Variants in DSPP observed in about 807,000 individuals in gnomAD.
The protein encoded by DSPP is dentin sialophosphoprotein, also known as deafness, autosomal dominant 39.
Under a neutral mutation model 29.1 loss-of-function variants are expected in DSPP, and 28 were observed. The ratio of observed to expected loss-of-function variants is 0.96; its 90% CI spans 0.71 to 1.32. The LOEUF is 1.32. Ranked by LOEUF, DSPP falls within the 40% of genes most tolerant of loss-of-function variation. The pLI is 0.00. For missense variants in DSPP, 1,281 were observed against 1,629.9 expected (o/e 0.79, Z 3.69); for synonymous variants, 481 against 503.4 (o/e 0.96, Z 0.60).
At chr4:87,613,341 A>C in intron 4 of DSPP, 33 bp downstream of exon 4, 1 of 1,610,000 alleles carries the variant, frequency 6.2e-7, no homozygotes, top group Non-Finnish European at 8.5e-7. Context: ...TTTCAATGGC[A>C]GTTTAAATTC....
At chr4:87,609,465 A>T (rs1727695469) in intron 1 of DSPP, among the ~76,000 whole-genome samples, 1 of 152,290 alleles carries the variant, frequency 6.6e-6, no homozygotes, top group South Asian at 2.1e-4. Context: ...GGCCTTCAAC[A>T]TCTGTGCCCC....
At chr4:87,610,530 A>G (rs1727714311) in intron 1 of DSPP, among the ~76,000 whole-genome samples, 1 of 152,208 alleles carries the variant, frequency 6.6e-6, no homozygotes, top group Non-Finnish European at 1.5e-5. Context: ...TTTGAAGCAC[A>G]ATTTCAGCAG....
intron 4 of DSPP, 83 bp downstream of exon 4, chr4:87,613,391 T>G (rs767471361): frequency 2.9e-5 from 43 of 1,494,830 alleles, no homozygotes; most frequent in Non-Finnish European, 3.5e-5. Flanking sequence ...AAATAAACCA[T>G]GACAAGCATC....
rs1307734979 is a variant in DSPP at position 87,613,233 on chromosome 4, T to C, written c.1047T>C (p.His349=). ...TAGAGGACACCCAGAAGCTCAACCA[T>C]AGAGAAAGCAAACGCGTAGAAAATA... is the stretch of plus-strand genomic sequence containing the variant. The part of the protein sequence containing the change: ...QRIEDTQKLN[H]RESKRVENRI... Residue 349 remains histidine (H), a synonymous_variant, in exon 4 of 5, where the codon CAT becomes CAC. Coordinates refer to ENST00000651931, the MANE Select transcript of DSPP (RefSeq NM_014208.3). 3.5e-5 allele frequency: 57 copies of C among 1,613,590 alleles called. No individual in the cohort carries two copies. Among genetic ancestry groups the C allele is most frequent in the Non-Finnish European group, 4.5e-5 (53 of 1,179,994 alleles).
In DSPP at chr4:87,615,747, A is replaced by AATAGCAGTG; in HGVS notation, c.3086_3087insTAGCAGTGA (p.Asp1053_Ser1055dup). On this transcript the variant is annotated inframe_insertion, in exon 5 of 5. Coordinates refer to ENST00000651931, the MANE Select transcript of DSPP (RefSeq NM_014208.3). ...CAGCAGCAATAGCAGTGACAGCAGC[A>AATAGCAGTG]ACAGCAGTGACAGCAGCGATAGCAG... 3.3e-6 allele frequency: 1 copy of AATAGCAGTG among 302,326 alleles called. No individual in the cohort carries two copies. The highest frequency in any genetic ancestry group is 6.5e-5 in the East Asian group (1 of 15,484). 18.7% of individuals were successfully genotyped at this position (302,326 alleles called of 1,614,324 possible). A position where few individuals can be genotyped will look rare whatever the true frequency, so the allele number is the denominator to read the frequency against.
rs750659935 is a variant in DSPP at position 87,615,928 on chromosome 4, A to AAAG, written c.3266_3267insAAG (p.Asp1089delinsGluSer). ...AGCAGTGAAAGCAGTGATAGCAGTG[A>AAAG]CAGCAGCAATAGCAGTGACAGCAGC... On this transcript the variant is annotated protein_altering_variant, in exon 5 of 5. Transcript: ENST00000651931. 1.2e-5 allele frequency: 3 copies of AAAG among 252,994 alleles called. No individual in the cohort carries two copies. The African/African-American group carries it at 5.1e-4, about 43-fold the overall frequency. The allele number at this position is 252,994 out of a possible 1,614,324, so 15.7% of individuals were successfully genotyped here.
At position 87,615,495 on chromosome 4, in the gene DSPP, A is replaced by C. The variant is rs1727868121; in HGVS notation, c.2833A>C (p.Ser945Arg). The change falls in exon 5 of 5, where the codon AGT (serine) becomes CGT (arginine). Residue 945 changes from serine (S) to arginine (R), a missense_variant. Transcript: ENST00000651931. ...SSDSSNSSDS[S>R]DSSDSSNSSD... Reference sequence around the variant, plus strand: ...TGACAGCAGCAACAGCAGTGACAGCAGTGATAGCAGTGACAGCAGTAATAG... The same window carrying C: ...TGACAGCAGCAACAGCAGTGACAGCCGTGATAGCAGTGACAGCAGTAATAG... 2 of 1,540,752 alleles carry C rather than the reference A, an allele frequency of 1.3e-6. No individual in the cohort carries two copies. Among genetic ancestry groups the C allele is most frequent in the Admixed American group, 2.0e-5 (1 of 50,410 alleles).
In DSPP at chr4:87,616,229, C is replaced by A; in HGVS notation, c.3567C>A (p.Ser1189Arg). The A allele has an allele frequency of 6.5e-7, 1 of 1,526,862 alleles. No homozygotes were observed. Among genetic ancestry groups the A allele is most frequent in the African/African-American group, 1.4e-5 (1 of 71,798 alleles). The allele number at this position is 1,526,862 out of a possible 1,614,324, so 94.6% of individuals were successfully genotyped here. ...NSSDSSDSSDSSDSSDSSDSS... is the reference protein window; with the variant it reads ...NSSDSSDSSDRSDSSDSSDSS... ...GTGATAGCAGCGACAGCAGTGATAGCAGTGACAGCAGCGACAGCAGCGATA... is the reference window on the plus strand; with the variant it reads ...GTGATAGCAGCGACAGCAGTGATAGAAGTGACAGCAGCGACAGCAGCGATA... Residue 1189 changes from serine (S) to arginine (R), a missense_variant, in exon 5 of 5, where the codon AGC becomes AGA. Around this residue, in one of 4 missense-constraint regions of DSPP, gnomAD observed 134 missense variants for 185.0 expected, o/e 0.72. Transcript: ENST00000651931.
chr4:87,615,305 TAGCAGTGACAGCAACGAAAGC>T lies in DSPP; in HGVS notation c.2648_2668del (p.Ser883_Ser889del), dbSNP rs1560479344. 6 of 1,541,180 alleles carry T rather than the reference TAGCAGTGACAGCAACGAAAGC, an allele frequency of 3.9e-6. No homozygotes were observed. Among genetic ancestry groups the T allele is most frequent in the African/African-American group, 2.8e-5 (2 of 71,338 alleles). ...GCAGCAACAGCAGTGACAGCAGTGA[TAGCAGTGACAGCAACGAAAGC>T]AGCAATAGCAGTGACAGCAGTGATA... is the stretch of plus-strand genomic sequence containing the variant. On this transcript the variant is annotated inframe_deletion, in exon 5 of 5. Coordinates refer to ENST00000651931, the MANE Select transcript of DSPP (RefSeq NM_014208.3).
rs1356671401 is a variant in DSPP, at chr4:87,614,581, C to T, written c.1919C>T (p.Ser640Leu). Residue 640 changes from serine to leucine, a missense_variant, in exon 5 of 5, where the codon TCA becomes TTA. Transcript: ENST00000651931. ...GACAGCAGTGATAGTGACAGTAAGT[C>T]AGACAGCAGTGACAGCAACAGCAGT... Reference protein sequence around the residue: ...ESDSSDSDSKSDSSDSNSSDS... With the variant: ...ESDSSDSDSKLDSSDSNSSDS... 8 of 1,548,282 alleles carry T rather than the reference C, an allele frequency of 5.2e-6. No homozygotes were observed. In the Admixed American group the frequency reaches 1.6e-4, roughly 31 times the overall value.
intron 1 of DSPP, 89 bp from the exon 2 acceptor site, chr4:87,610,792 A>G (rs1341531040): frequency 1.1e-6 from 1 of 873,238 alleles, no homozygotes; most frequent in Non-Finnish European, 1.9e-6. Context: ...GTCCAGGAAA[A>G]GGGCAAATGC....
rs372441228 is a variant in DSPP, at chr4:87,614,747, C to A, written c.2085C>A (p.Ser695Arg). 6.5e-7 allele frequency: 1 copy of A among 1,543,562 alleles called. No homozygotes were observed. The highest frequency in any genetic ancestry group is 1.4e-5 in the African/African-American group (1 of 72,284). The part of the protein sequence containing the change: ...NSSDSSDSSD[S>R]SNSSESSDSS... ...GTGATAGTAGTGACAGTAGTGACAGCAGCAATAGCAGTGAGAGCAGTGATA... is the reference window on the plus strand; with the variant it reads ...GTGATAGTAGTGACAGTAGTGACAGAAGCAATAGCAGTGAGAGCAGTGATA... Residue 695 changes from serine to arginine, a missense_variant, in exon 5 of 5, where the codon AGC becomes AGA. Ser to Arg is a moderately radical substitution (Grantham distance 110). This residue lies in a region of DSPP where 444 missense variants were observed against 611.4 expected (regional missense o/e 0.73). Coordinates refer to ENST00000651931, the MANE Select transcript of DSPP (RefSeq NM_014208.3).
chr4:87,616,243 ACAG>A lies in DSPP; in HGVS notation c.3586_3588del (p.Ser1196del), dbSNP rs1727938737. On this transcript the variant is annotated inframe_deletion, in exon 5 of 5. Transcript: ENST00000651931. Reference sequence around the variant, plus strand: ...AGCAGTGATAGCAGTGACAGCAGCGACAGCAGCGATAGCAGCGACAGCAGCGAT... The same window carrying A: ...AGCAGTGATAGCAGTGACAGCAGCGACAGCGATAGCAGCGACAGCAGCGAT... 1 of 1,531,434 alleles carries A rather than the reference ACAG, an allele frequency of 6.5e-7. No homozygotes were observed. Among genetic ancestry groups the A allele is most frequent in the Non-Finnish European group, 8.8e-7 (1 of 1,135,328 alleles). The allele number at this position is 1,531,434 out of a possible 1,614,324, so 94.9% of individuals were successfully genotyped here.
rs774745288 is a variant in DSPP, at chr4:87,614,573, C to G, written c.1911C>G (p.Asp637Glu). Reference sequence around the variant, plus strand: ...CAGAGAGCGACAGCAGTGATAGTGACAGTAAGTCAGACAGCAGTGACAGCA... The same window carrying G: ...CAGAGAGCGACAGCAGTGATAGTGAGAGTAAGTCAGACAGCAGTGACAGCA... Reference protein sequence around the residue: ...SKSESDSSDSDSKSDSSDSNS... With the variant: ...SKSESDSSDSESKSDSSDSNS... The change falls in exon 5 of 5, where the codon GAC becomes GAG. Residue 637 changes from aspartate to glutamate, a missense_variant. Around this residue, in one of 4 missense-constraint regions of DSPP, gnomAD observed 444 missense variants for 611.4 expected, o/e 0.73. Coordinates refer to ENST00000651931, the MANE Select transcript of DSPP (RefSeq NM_014208.3). 1 of 1,551,006 alleles carries G rather than the reference C, an allele frequency of 6.4e-7. No individual in the cohort carries two copies. Among genetic ancestry groups the G allele is most frequent in the Non-Finnish European group, 8.7e-7 (1 of 1,146,812 alleles).
rs1727755318 is a variant in DSPP, at chr4:87,612,519, G to C, written c.333G>C (p.Gly111=). The C allele has an allele frequency of 1.9e-6, 3 of 1,614,036 alleles. No individual in the cohort carries two copies. The highest frequency in any genetic ancestry group is 1.3e-5 in the African/African-American group (1 of 75,018). ...NEEGNIEGWN[G]DTGKAETYGH... ...AGGGGAATATTGAGGGCTGGAATGG[G>C]GACACAGGAAAAGCAGAAACATATG... The change falls in exon 4 of 5, where the codon GGG becomes GGC. Residue 111 remains glycine (G), a synonymous_variant. Transcript: ENST00000651931.
At position 87,614,576 on chromosome 4, in the gene DSPP, T is replaced by A. The variant is rs1248180345; in HGVS notation, c.1914T>A (p.Ser638Arg). ...KSESDSSDSD[S>R]KSDSSDSNSS... ...AGAGCGACAGCAGTGATAGTGACAG[T>A]AAGTCAGACAGCAGTGACAGCAACA... Residue 638 changes from serine to arginine, a missense_variant, in exon 5 of 5, where the codon AGT becomes AGA. Coordinates refer to ENST00000651931, the MANE Select transcript of DSPP (RefSeq NM_014208.3). The A allele has an allele frequency of 6.4e-7, 1 of 1,550,682 alleles. No individual in the cohort carries two copies. The highest frequency in any genetic ancestry group is 1.2e-5 in the South Asian group (1 of 84,012).
intron 2 of DSPP, 32 bp from the exon 3 acceptor site, chr4:87,612,073 C>G (rs1429957047): frequency 6.2e-7 from 1 of 1,601,422 alleles, no homozygotes; most frequent in Non-Finnish European, 8.5e-7. Context: ...AAATAAGAAC[C>G]TTTTCAATAG....
chr4:87,615,536 T>C lies in DSPP; in HGVS notation c.2874T>C (p.Asn958=), dbSNP rs374607352. 43 of 1,530,504 alleles carry C rather than the reference T, an allele frequency of 2.8e-5. No homozygotes were observed. The African/African-American group carries it at 4.1e-4, about 14-fold the overall frequency. The allele number at this position is 1,530,504 out of a possible 1,614,324, so 94.8% of individuals were successfully genotyped here. A position where few individuals can be genotyped will look rare whatever the true frequency, so the allele number is the denominator to read the frequency against. ...GCAGTAATAGTAGTGACAGCAGCAA[T>C]AGCAGTGACAGCAGCAACAGCAGTG... ...SDSSNSSDSS[N]SSDSSNSSDS... is the part of the protein sequence containing the mutation. The change falls in exon 5 of 5, where the codon AAT becomes AAC. Residue 958 remains asparagine (N), a synonymous_variant. Transcript: ENST00000651931.
Position 87,615,923 on chromosome 4 carries a change from CAGTGACA to C in DSPP, c.3262_3268del (p.Ser1088AlafsTer224). The C allele has an allele frequency of 3.9e-6, 1 of 257,386 alleles. No homozygotes were observed. Among genetic ancestry groups the C allele is most frequent in the Non-Finnish European group, 5.0e-6 (1 of 200,914 alleles). The allele number at this position is 257,386 out of a possible 1,614,324, so 15.9% of individuals were successfully genotyped here. A position where few individuals can be genotyped will look rare whatever the true frequency, so the allele number is the denominator to read the frequency against. On this transcript the variant is annotated frameshift_variant, in exon 5 of 5. Coordinates refer to ENST00000651931, the MANE Select transcript of DSPP (RefSeq NM_014208.3). LOFTEE classifies it low-confidence loss of function (END_TRUNC). ...GTGATAGCAGTGAAAGCAGTGATAG[CAGTGACA>C]GCAGCAATAGCAGTGACAGCAGCGA... is the stretch of plus-strand genomic sequence containing the variant.
Sources: allele counts gnomAD v4.1 joint callset (sites outside exome capture counted in the v4.1 genomes callset), GRCh38; gene constraint gnomAD v4.1.1; regional missense constraint gnomAD v4.1.1; transcripts MANE v1.5; gene names NCBI Gene and HGNC (gene_info 2026-07-23, HGNC 2026-07-21).